The following YAE1 variants were observed in gnomAD, a reference collection of about 807,000 sequenced individuals.
YAE1 encodes the protein YAE1 maturation factor of ABCE1.
Under a neutral mutation model 23.0 loss-of-function variants are expected in YAE1, and 22 were observed. The observed-to-expected ratio is 0.96, with a 90% CI of 0.68 to 1.37. YAE1 has a LOEUF of 1.37. YAE1 is among the 40% of genes most tolerant of loss of function. The pLI is 0.00. For synonymous variants in YAE1, 101 were observed against 97.0 expected, an observed-to-expected ratio of 1.04 and a Z score of -0.24; for missense variants, 260 against 262.1, an observed-to-expected ratio of 0.99 and a Z score of 0.06.
chr7:39,605,837 T>C (rs938377573), intron 2 of YAE1, among the ~76,000 whole-genome samples: 2 of 152,200 alleles, frequency 1.3e-5, no homozygotes, highest in African/African-American at 4.8e-5. Flanking sequence ...TCGAGTATGT[T>C]CTCTAGATTA....
chr7:39,588,501 C>CA (rs5883697), intron 2 of YAE1, among the ~76,000 whole-genome samples: 8 of 121,066 alleles, frequency 6.6e-5, no homozygotes, highest in East Asian at 2.3e-4. Context: ...GACTCCATCT[C>CA]AAAAAAAAAA....
At chr7:39,584,804 A>G (rs1393228946) in intron 2 of YAE1, among the ~76,000 whole-genome samples, 2 of 152,158 alleles carry the variant, frequency 1.3e-5, no homozygotes, top group South Asian at 2.1e-4. Context: ...GGATCGTTTG[A>G]TGCCAGGAGT....
intron 2 of YAE1, among the ~76,000 whole-genome samples, chr7:39,591,570 A>C (rs1790901435): frequency 6.6e-6 from 1 of 152,146 alleles, no homozygotes; most frequent in Non-Finnish European, 1.5e-5. Flanking sequence ...CAGAAGATTC[A>C]GACAGTTCCC....
intron 1 of YAE1, chr7:39,570,083 C>G: frequency 8.6e-7 from 1 of 1,166,460 alleles, no homozygotes; most frequent in Non-Finnish European, 1.3e-6. Context: ...CAGCTCTCTC[C>G]AGTTCTTGTC....
intron 2 of YAE1, among the ~76,000 whole-genome samples, chr7:39,591,627 G>A (rs918921785): frequency 5.3e-5 from 8 of 150,878 alleles, no homozygotes; most frequent in Non-Finnish European, 1.0e-4. Context: ...CATTATCAAC[G>A]TCCACCACCG....
chr7:39,584,321 C>CTG (rs1790783087), intron 2 of YAE1, among the ~76,000 whole-genome samples: 4 of 152,106 alleles, frequency 2.6e-5, no homozygotes, highest in Admixed American at 2.6e-4. Flanking sequence ...GGGGGTACTA[C>CTG]TAGCAATAGT....
intron 2 of YAE1, among the ~76,000 whole-genome samples, chr7:39,596,985 TTG>T (rs1260453648): frequency 2.6e-5 from 4 of 152,234 alleles, no homozygotes. Flanking sequence ...CTCTTGTAAT[TTG>T]TGCTTGCAAT....
At chr7:39,577,801 T>A (rs1289017620), downstream of YAE1, among the ~76,000 whole-genome samples, 3 of 152,338 alleles carry the variant, frequency 2.0e-5, no homozygotes, top group East Asian at 1.9e-4. Flanking sequence ...GGTGCGGGAC[T>A]GGGAGGCAGC....
intron 1 of YAE1, among the ~76,000 whole-genome samples, chr7:39,567,206 A>T (rs887732770): frequency 8.5e-5 from 13 of 152,224 alleles, no homozygotes; most frequent in Non-Finnish European, 1.9e-4. Flanking sequence ...GCCAACCATT[A>T]AATTGCCGCT....
chr7:39,592,567 TAA>T (rs1348255714), intron 2 of YAE1, among the ~76,000 whole-genome samples: 3 of 152,194 alleles, frequency 2.0e-5, no homozygotes, highest in African/African-American at 7.2e-5. Flanking sequence ...AAAGCCGTAG[TAA>T]AGTCAAAAAA....
At chr7:39,569,821 T>C in intron 1 of YAE1, 8 of 797,076 alleles carry the variant, frequency 1.0e-5, no homozygotes, top group Non-Finnish European at 9.1e-6. Context: ...TTATCACTTA[T>C]AAAGTTTATG....
Position 39,570,603 on chromosome 7 carries a change from A to AT in YAE1, c.228dup (p.Gly77TrpfsTer18). 6.2e-7 allele frequency: 1 copy of AT among 1,602,550 alleles called. No individual in the cohort carries two copies. The highest frequency in any genetic ancestry group is 2.2e-5 in the East Asian group (1 of 44,750). On this transcript the variant is annotated frameshift_variant, in exon 2 of 3. Transcript: ENST00000223273. LOFTEE classifies it high-confidence loss of function. ...AAAGGTGCAGAAGTCATTTTAAACT[A>AT]TGGACGACTCCGAGGAACATTGAGG... is the stretch of plus-strand genomic sequence containing the variant.
intron 2 of YAE1, among the ~76,000 whole-genome samples, chr7:39,596,533 G>A (rs554022616): frequency 2.6e-5 from 4 of 152,182 alleles, no homozygotes; most frequent in Admixed American, 1.3e-4. Context: ...CACCATGCCC[G>A]GCTTTAAGTC....
At chr7:39,594,430 A>G (rs541027014) in intron 2 of YAE1, among the ~76,000 whole-genome samples, 1 of 151,754 alleles carries the variant, frequency 6.6e-6, no homozygotes, top group Non-Finnish European at 1.5e-5. Context: ...AAATGGAAAA[A>G]CTCACCCAAT....
exon 3 of YAE1, chr7:39,609,858 C>G: frequency 6.5e-7 from 1 of 1,533,686 alleles, no homozygotes; most frequent in African/African-American, 1.4e-5. Context: ...CCACCGCCGG[C>G]GTTTCAGACG....
chr7:39,588,233 C>G (rs764924825), intron 2 of YAE1, among the ~76,000 whole-genome samples: 1 of 152,140 alleles, frequency 6.6e-6, no homozygotes, highest in Non-Finnish European at 1.5e-5. Flanking sequence ...AAAAATGGGC[C>G]GGACGTGGTG....
downstream of YAE1, among the ~76,000 whole-genome samples, chr7:39,576,404 G>A (rs1377872374): frequency 6.6e-6 from 1 of 152,134 alleles, no homozygotes; most frequent in East Asian, 1.9e-4. Flanking sequence ...GCCCAAACCT[G>A]TTGAAGTGTT....
At chr7:39,598,656 A>G (rs1161811124) in intron 2 of YAE1, among the ~76,000 whole-genome samples, 2 of 151,770 alleles carry the variant, frequency 1.3e-5, no homozygotes, top group Non-Finnish European at 2.9e-5. Flanking sequence ...TCATGCCTGT[A>G]GTCCCAGCTA....
intron 2 of YAE1, among the ~76,000 whole-genome samples, chr7:39,591,988 T>C (rs1790907058): frequency 6.6e-6 from 1 of 152,220 alleles, no homozygotes; most frequent in Non-Finnish European, 1.5e-5. Context: ...GCATTTAAGT[T>C]TTCTCCATAT....
Sources: gnomAD v4.1 joint callset for allele counts (sites outside exome capture counted in the v4.1 genomes callset) on GRCh38, gnomAD v4.1.1 for gene constraint, MANE v1.5 for transcripts, NCBI Gene and HGNC (gene_info 2026-07-23, HGNC 2026-07-21) for gene names.